The following EEIG1 variants were observed in gnomAD, a reference collection of about 807,000 sequenced individuals.
The protein encoded by EEIG1 is estrogen-induced osteoclastogenesis regulator 1.
At chr9:127,980,169 G>A in the EEIG1 span, 7 of 1,597,196 alleles carry the variant, frequency 4.4e-6, no homozygotes, top group African/African-American at 6.8e-5. Context: ...AGCCCCGAAG[G>A]CGAAAAAAGG....
the EEIG1 span, among the ~76,000 whole-genome samples, chr9:127,966,579 C>T: frequency 1.6e-4 from 25 of 152,316 alleles, no homozygotes; most frequent in South Asian, 3.1e-3. Flanking sequence ...CCCAGGCAAA[C>T]GCCCTGTTAA....
chr9:127,978,512 C>A, the EEIG1 span, among the ~76,000 whole-genome samples: 138 of 150,924 alleles, frequency 9.1e-4, 1 homozygote, highest in Non-Finnish European at 1.6e-3. Context: ...TGCCCGCATA[C>A]TATTTTATTT....
the EEIG1 span, among the ~76,000 whole-genome samples, chr9:127,958,812 GAGCACCC>G: frequency 6.6e-6 from 1 of 152,070 alleles, no homozygotes; most frequent in Non-Finnish European, 1.5e-5. Flanking sequence ...AATATATAAA[GAGCACCC>G]ACAACTCAAT....
the EEIG1 span, among the ~76,000 whole-genome samples, chr9:127,959,203 T>C: frequency 6.6e-6 from 1 of 152,224 alleles, no homozygotes; most frequent in Non-Finnish European, 1.5e-5. Context: ...TGTACACAAA[T>C]GTACATCACA....
the EEIG1 span, among the ~76,000 whole-genome samples, chr9:127,957,802 T>C: frequency 6.6e-6 from 1 of 152,174 alleles, no homozygotes; most frequent in Admixed American, 6.6e-5. Context: ...GGTTTAGAAA[T>C]AAACCTTAGA....
chr9:127,953,277 GA>G, the EEIG1 span: 1 of 441,554 alleles, frequency 2.3e-6, no homozygotes, highest in East Asian at 3.7e-5. Context: ...ACAAGGTCTG[GA>G]AAGGTCTTAA....
the EEIG1 span, chr9:127,980,344 G>C: frequency 3.7e-6 from 2 of 536,214 alleles, no homozygotes; most frequent in East Asian, 3.4e-5. Flanking sequence ...CACCCTCGGG[G>C]AGCCGGGGCT....
chr9:127,942,522 A>G, the EEIG1 span: 1 of 155,360 alleles, frequency 6.4e-6, no homozygotes, highest in Non-Finnish European at 1.4e-5. Context: ...TGCAGGCTGC[A>G]AGGCAGCGGG....
the EEIG1 span, among the ~76,000 whole-genome samples, chr9:127,973,810 A>G: frequency 2.9e-4 from 44 of 152,184 alleles, 1 homozygote; most frequent in South Asian, 8.9e-3. This position sits in a 1 kb window ranked among gnomAD's most constrained non-coding sequence, Gnocchi z 4.2. Flanking sequence ...TGCACCTGGA[A>G]GGCCTTCTAC....
chr9:127,953,348 G>C, the EEIG1 span: 1 of 569,372 alleles, frequency 1.8e-6, no homozygotes, highest in African/African-American at 1.9e-5. Flanking sequence ...ACAGAAACTG[G>C]CCCTTTTGCT....
chr9:127,967,082 G>A, the EEIG1 span, among the ~76,000 whole-genome samples: 1 of 152,212 alleles, frequency 6.6e-6, no homozygotes, highest in African/African-American at 2.4e-5. Flanking sequence ...TTTGAGACCA[G>A]GTTTATGCCA....
the EEIG1 span, among the ~76,000 whole-genome samples, chr9:127,977,663 A>G: frequency 1.3e-5 from 2 of 152,190 alleles, no homozygotes; most frequent in African/African-American, 4.8e-5. Context: ...TAACACACAG[A>G]TTATCTGTAC....
At chr9:127,974,561 G>A in the EEIG1 span, among the ~76,000 whole-genome samples, 7 of 152,216 alleles carry the variant, frequency 4.6e-5, no homozygotes, top group Non-Finnish European at 1.0e-4. Flanking sequence ...TGTGCCACAT[G>A]AGGACAAGGA....
the EEIG1 span, among the ~76,000 whole-genome samples, chr9:127,962,977 A>G: frequency 6.6e-6 from 1 of 152,190 alleles, no homozygotes; most frequent in African/African-American, 2.4e-5. Flanking sequence ...AAAATGATAG[A>G]AGCAAGGTCC....
At chr9:127,959,032 G>A in the EEIG1 span, among the ~76,000 whole-genome samples, 1 of 152,184 alleles carries the variant, frequency 6.6e-6, no homozygotes, top group Non-Finnish European at 1.5e-5. Flanking sequence ...GGAGAAAGTG[G>A]AACCCTCATA....
the EEIG1 span, among the ~76,000 whole-genome samples, chr9:127,966,518 G>A: frequency 9.7e-4 from 147 of 151,596 alleles, 1 homozygote; most frequent in African/African-American, 3.5e-3. Flanking sequence ...TGGCTGCCCT[G>A]CTCTGTCCTC....
At chr9:127,943,391 C>A in the EEIG1 span, 2 of 689,528 alleles carry the variant, frequency 2.9e-6, no homozygotes, top group South Asian at 3.3e-5. Context: ...GATGGTAAGT[C>A]CCTTGCCCAC....
chr9:127,944,910 C>T, the EEIG1 span: 4 of 1,608,376 alleles, frequency 2.5e-6, no homozygotes, highest in Admixed American at 1.7e-5. Context: ...TGGGTCAGGT[C>T]GTGGGGGGAC....
the EEIG1 span, among the ~76,000 whole-genome samples, chr9:127,958,388 G>A: frequency 2.0e-5 from 3 of 152,224 alleles, no homozygotes; most frequent in African/African-American, 7.2e-5. Flanking sequence ...CTTTTAGTGG[G>A]GCACAGTGGC....
Sources: gnomAD v4.1 joint callset for allele counts (sites outside exome capture counted in the v4.1 genomes callset) on GRCh38, gnomAD v4.1.1 for gene constraint, Gnocchi (gnomAD v3.1) non-coding constraint, MANE v1.5 for transcripts, NCBI Gene and HGNC (gene_info 2026-07-23, HGNC 2026-07-21) for gene names.